The following SARS2 variants were observed in gnomAD, a reference collection of about 807,000 sequenced individuals.
SARS2 encodes the protein serine--tRNA ligase, mitochondrial.
In SARS2, 52 loss-of-function variants were observed where a neutral mutation model predicts 66.8. The observed-to-expected ratio is 0.78, with a 90% CI of 0.62 to 0.98. The LOEUF is 0.98. Ranked by LOEUF, SARS2 falls within the 50% of genes least tolerant of loss-of-function variation. The probability of loss-of-function intolerance (pLI) is 0.00; values close to 1 mark genes in which losing one functional copy is unlikely to be tolerated. For missense variants in SARS2, 673 were observed against 706.3 expected (o/e 0.95, Z 0.53); for synonymous variants, 306 against 281.4 (o/e 1.09, Z -0.87).
At chr19:38,924,234 A>G (rs1453368985) in intron 2 of SARS2, among the ~76,000 whole-genome samples, 2 of 152,156 alleles carry the variant, frequency 1.3e-5, no homozygotes, top group Admixed American at 6.5e-5. Flanking sequence ...AGGGCCTGCA[A>G]CCAAGGCCCC....
Position 38,916,260 on chromosome 19 carries a change from G to C in SARS2, c.1215C>G (p.Asp405Glu). Residue 405 changes from aspartate (D) to glutamate (E), a missense_variant, in exon 13 of 16, where the codon GAC (aspartate) becomes GAG (glutamate). Coordinates refer to ENST00000221431, the MANE Select transcript of SARS2 (RefSeq NM_017827.4). Reference sequence around the variant, plus strand: ...CTCGGCCTGGCATCCAGGCCTCAATGTCAAACTTGCGGTAGGCGGGGAGGC... The same window carrying C: ...CTCGGCCTGGCATCCAGGCCTCAATCTCAAACTTGCGGTAGGCGGGGAGGC... ...ELGLPAYRKF[D>E]IEAWMPGRGR... 1.2e-6 allele frequency: 2 copies of C among 1,614,110 alleles called. No individual in the cohort carries two copies. The highest frequency in any genetic ancestry group is 2.2e-5 in the South Asian group (2 of 91,088).
Position 38,916,211 on chromosome 19 carries a change from C to T in SARS2, c.1254+10G>A. The T allele has an allele frequency of 6.2e-6, 10 of 1,613,996 alleles. No homozygotes were observed. The highest frequency in any genetic ancestry group is 8.5e-6 in the Non-Finnish European group (10 of 1,179,898). On this transcript the variant is annotated intron_variant, in intron 13 of 15. Transcript: ENST00000221431. ...CCTGCCCACCCCGTCCCCAGCGGCA[C>T]AGGGCTCACCTCTCCAAAGCGGCCT...
chr19:38,917,105 G>A (rs187219754), intron 12 of SARS2, among the ~76,000 whole-genome samples: 2 of 152,102 alleles, frequency 1.3e-5, no homozygotes, highest in Non-Finnish European at 2.9e-5. Flanking sequence ...TGGGACCACA[G>A]GTGTGTGCCA....
chr19:38,921,012 CACAGATACACAGATACAG>C (rs1974520192), intron 5 of SARS2, among the ~76,000 whole-genome samples: 1 of 35,694 alleles, frequency 2.8e-5, no homozygotes, highest in African/African-American at 7.1e-5. Flanking sequence ...TACAGACACA[CACAGATACACAGATACAG>C]ACACACACAG....
intron 5 of SARS2, 123 bp downstream of exon 5, chr19:38,921,269 C>T: frequency 9.6e-7 from 1 of 1,043,116 alleles, no homozygotes; most frequent in East Asian, 2.6e-5. Flanking sequence ...GAGCCACCTC[C>T]TGTACCGCCA....
intron 2 of SARS2, 87 bp from the exon 3 acceptor site, chr19:38,922,354 A>G: frequency 7.9e-7 from 1 of 1,264,630 alleles, no homozygotes; most frequent in Non-Finnish European, 1.2e-6. Context: ...AAACAAGGCC[A>G]GAGGATCTTA....
chr19:38,930,659 G>A lies in SARS2; in HGVS notation c.78C>T (p.Ser26=). The change falls in exon 1 of 16, where the codon TCC becomes TCT. Residue 26 remains serine (S), a synonymous_variant. Coordinates refer to ENST00000221431, the MANE Select transcript of SARS2 (RefSeq NM_017827.4). ...TGAAACTTCTCCTTGGACTATCGTT[G>A]GAGATGCAGCCTCCCCGGGGCCGGA... is the stretch of plus-strand genomic sequence containing the variant. ...RGFRPRGGCI[S]NDSPRRSFTT... is the part of the protein sequence containing the mutation. The A allele has an allele frequency of 6.2e-7, 1 of 1,614,108 alleles. No individual in the cohort carries two copies. Among genetic ancestry groups the A allele is most frequent in the Non-Finnish European group, 8.5e-7 (1 of 1,180,022 alleles).
chr19:38,924,275 C>G (rs958223484), intron 2 of SARS2, among the ~76,000 whole-genome samples: 1 of 152,140 alleles, frequency 6.6e-6, no homozygotes, highest in African/African-American at 2.4e-5. Context: ...TGATCCTAAG[C>G]AGCTGAGGGA....
intron 1 of SARS2, 60 bp downstream of exon 1, chr19:38,930,410 A>G: frequency 6.5e-7 from 1 of 1,534,272 alleles, no homozygotes; most frequent in Non-Finnish European, 8.7e-7. Context: ...GGCATCTTGC[A>G]AACCCAATTC....
chr19:38,920,243 G>T, intron 5 of SARS2, 94 bp from the exon 6 acceptor site: 2 of 1,001,590 alleles, frequency 2.0e-6, no homozygotes, highest in Non-Finnish European at 3.1e-6. Flanking sequence ...AGGAGGGACG[G>T]TGAGAGAAAA....
intron 1 of SARS2, among the ~76,000 whole-genome samples, chr19:38,929,688 T>C (rs1468540844): frequency 6.6e-6 from 1 of 152,142 alleles, no homozygotes; most frequent in East Asian, 1.9e-4. Flanking sequence ...GTTTCCCCTC[T>C]GATAAAATGG....
At chr19:38,921,912 C>G in intron 3 of SARS2, 1 of 1,467,434 alleles carries the variant, frequency 6.8e-7, no homozygotes, top group Admixed American at 2.0e-5. Context: ...CAGAGACAGG[C>G]ACCTGATGTC....
At chr19:38,929,348 A>G (rs1974687849) in intron 1 of SARS2, among the ~76,000 whole-genome samples, 1 of 152,016 alleles carries the variant, frequency 6.6e-6, no homozygotes, top group South Asian at 2.1e-4. Flanking sequence ...TGGGCGCAGG[A>G]GTTCAAGACC....
chr19:38,923,300 C>T (rs1288872796), intron 2 of SARS2, among the ~76,000 whole-genome samples: 2 of 140,096 alleles, frequency 1.4e-5, no homozygotes, highest in African/African-American at 2.7e-5. Context: ...CGGCTCACTG[C>T]AAGCTCCGCC....
At chr19:38,927,153 G>A (rs1480369805) in intron 1 of SARS2, among the ~76,000 whole-genome samples, 3 of 151,888 alleles carry the variant, frequency 2.0e-5, no homozygotes, top group African/African-American at 7.3e-5. Context: ...GGCCAGGCTG[G>A]TCTGGAATTC....
In SARS2 at chr19:38,929,582, G is replaced by C. The variant is rs78528510; in HGVS notation, c.267+888C>G. Among the ~76,000 whole-genome samples, 601 of 136,072 alleles carry C rather than the reference G, an allele frequency of 4.4e-3. 1 individual carries two copies. The highest frequency in any genetic ancestry group is 6.6e-3 in the Non-Finnish European group (424 of 63,792). 89.3% of individuals were successfully genotyped at this position (136,072 alleles called of 152,430 possible). ...TATCTCAAAAAAAAAAAAAAAAAAA[G>C]TGGATTCTAGGCCAGAAAGCACAGG... On this transcript the variant is annotated intron_variant, in intron 1 of 15. Transcript: ENST00000221431.
At chr19:38,917,029 C>G (rs1396177731) in intron 12 of SARS2, among the ~76,000 whole-genome samples, 3 of 151,114 alleles carry the variant, frequency 2.0e-5, no homozygotes, top group African/African-American at 7.3e-5. Flanking sequence ...GTGGCATGAT[C>G]ACAGCTCATT....
At position 38,918,084 on chromosome 19, in the gene SARS2, C is replaced by A; in HGVS notation, c.962+10G>T. 6.2e-7 allele frequency: 1 copy of A among 1,606,352 alleles called. No individual in the cohort carries two copies. The highest frequency in any genetic ancestry group is 8.5e-7 in the Non-Finnish European group (1 of 1,176,584). ...AGGTGGGGTCAAGGTCTAAGGAAAC[C>A]AGGTGTCACCTGACTGGCAGGTCCC... On this transcript the variant is annotated intron_variant, in intron 10 of 15. Transcript: ENST00000221431.
chr19:38,930,583 A>G lies in SARS2; in HGVS notation c.154T>C (p.Tyr52His). ...ATGTCCAGCTGAGGGAGTGCGCTGT[A>G]GCCCTCGCGCGCATACTCGTACAGG... Reference protein sequence around the residue: ...NLLYEYAREGYSALPQLDIER... With the variant: ...NLLYEYAREGHSALPQLDIER... The change falls in exon 1 of 16, where the codon TAC becomes CAC. Residue 52 changes from tyrosine (Y) to histidine (H), a missense_variant. Tyr to His is a moderately conservative substitution (Grantham distance 83, BLOSUM62 2). Coordinates refer to ENST00000221431, the MANE Select transcript of SARS2 (RefSeq NM_017827.4). 2.5e-6 allele frequency: 4 copies of G among 1,614,010 alleles called. No homozygotes were observed. The highest frequency in any genetic ancestry group is 3.4e-6 in the Non-Finnish European group (4 of 1,179,998).
Sources: allele counts gnomAD v4.1 joint callset (sites outside exome capture counted in the v4.1 genomes callset), GRCh38; gene constraint gnomAD v4.1.1; transcripts MANE v1.5; gene names NCBI Gene and HGNC (gene_info 2026-07-23, HGNC 2026-07-21).